Variants in DOK6 observed in about 807,000 individuals in gnomAD.
The protein encoded by DOK6 is docking protein 6.
Under a neutral mutation model 44.0 loss-of-function variants are expected in DOK6, and 22 were observed. The ratio of observed to expected loss-of-function variants is 0.50; its 90% CI spans 0.36 to 0.71. DOK6 has a LOEUF of 0.71. DOK6 is among the 30% of genes least tolerant of loss of function. The pLI is 0.00. For synonymous variants in DOK6, 166 were observed against 145.5 expected, an observed-to-expected ratio of 1.14 and a Z score of -1.01; for missense variants, 340 against 416.4, an observed-to-expected ratio of 0.82 and a Z score of 1.60.
chr18:69,615,244 C>G (rs1170505532), intron 3 of DOK6, among the ~76,000 whole-genome samples: 1 of 152,156 alleles, frequency 6.6e-6, no homozygotes, highest in Admixed American at 6.5e-5. Context: ...AAATTATTCA[C>G]TAATGCTGCT....
intron 1 of DOK6, among the ~76,000 whole-genome samples, chr18:69,552,500 C>T (rs956490629): frequency 2.0e-5 from 3 of 152,062 alleles, no homozygotes; most frequent in Middle Eastern, 3.2e-3. Context: ...ATAAATACAT[C>T]CATAAGTTAC....
At chr18:69,589,458 T>G (rs1169473182) in intron 2 of DOK6, among the ~76,000 whole-genome samples, 1 of 152,054 alleles carries the variant, frequency 6.6e-6, no homozygotes, top group Non-Finnish European at 1.5e-5. Flanking sequence ...TCTAATTCAT[T>G]TGACTCTACT....
chr18:69,433,314 A>G (rs1178121331), intron 1 of DOK6, among the ~76,000 whole-genome samples: 3 of 152,178 alleles, frequency 2.0e-5, no homozygotes, highest in Non-Finnish European at 4.4e-5. Context: ...CTGAGAACCA[A>G]TGTAATATGT....
chr18:69,511,455 G>T (rs975213748), intron 1 of DOK6, among the ~76,000 whole-genome samples: 2 of 151,952 alleles, frequency 1.3e-5, no homozygotes, highest in Non-Finnish European at 2.9e-5. Context: ...TAAAACAAGG[G>T]GTAAGACATC....
chr18:69,423,542 A>G (rs1402772064), intron 1 of DOK6, among the ~76,000 whole-genome samples: 1 of 152,216 alleles, frequency 6.6e-6, no homozygotes, highest in African/African-American at 2.4e-5. Context: ...CCATGCTTCA[A>G]CAAACATATA....
At chr18:69,443,958 CAT>C (rs1289952333) in intron 1 of DOK6, among the ~76,000 whole-genome samples, 2 of 151,734 alleles carry the variant, frequency 1.3e-5, no homozygotes, top group African/African-American at 4.8e-5. Flanking sequence ...TGTACACACA[CAT>C]AATCATATAT....
intron 1 of DOK6, among the ~76,000 whole-genome samples, chr18:69,547,258 G>A (rs748412916): frequency 7.3e-5 from 11 of 150,948 alleles, no homozygotes; most frequent in South Asian, 2.1e-4. Context: ...GCACCACCAC[G>A]CCCAGCTAAT....
chr18:69,697,475 T>A (rs182885478), intron 4 of DOK6, among the ~76,000 whole-genome samples: 1 of 152,324 alleles, frequency 6.6e-6, no homozygotes, highest in African/African-American at 2.4e-5. Context: ...ATGGCATAGA[T>A]GTATTTTATT....
intron 3 of DOK6, among the ~76,000 whole-genome samples, chr18:69,607,512 AAAT>A (rs1410644837): frequency 3.9e-5 from 6 of 152,258 alleles, no homozygotes; most frequent in African/African-American, 1.2e-4. Flanking sequence ...AAAAAAATTA[AAAT>A]AATAAACTTC....
At chr18:69,528,497 G>A (rs937034114) in intron 1 of DOK6, among the ~76,000 whole-genome samples, 3 of 152,112 alleles carry the variant, frequency 2.0e-5, no homozygotes, top group Admixed American at 6.5e-5. Context: ...TCTGTGTTTG[G>A]CATTTATCCA....
chr18:69,772,600 A>G (rs190919200), intron 7 of DOK6, among the ~76,000 whole-genome samples: 3 of 152,218 alleles, frequency 2.0e-5, no homozygotes, highest in Admixed American at 2.0e-4. Context: ...AGTGCCAAAA[A>G]TACACAATGG....
intron 1 of DOK6, among the ~76,000 whole-genome samples, chr18:69,540,034 ACTGTCAAATG>A (rs60937455): frequency 0.66 from 100,317 of 151,220 alleles, 33,791 homozygotes; most frequent in East Asian, 0.97. Context: ...TGTTGGAGGA[ACTGTCAAATG>A]CTGTCAAATG....
At chr18:69,834,137 A>T (rs1981977618) in intron 7 of DOK6, among the ~76,000 whole-genome samples, 1 of 152,228 alleles carries the variant, frequency 6.6e-6, no homozygotes, top group African/African-American at 2.4e-5. Context: ...CTATGTCCAT[A>T]AACAGATGAA....
At chr18:69,612,217 T>TAAAAA (rs33970961) in intron 3 of DOK6, among the ~76,000 whole-genome samples, 1,760 of 149,878 alleles carry the variant, frequency 0.012, 35 homozygotes, top group African/African-American at 0.034. Context: ...ATATTTAAGT[T>TAAAAA]AAAAAAAACC....
chr18:69,610,985 A>G (rs1299214008), intron 3 of DOK6, among the ~76,000 whole-genome samples: 2 of 152,108 alleles, frequency 1.3e-5, no homozygotes, highest in African/African-American at 4.8e-5. Context: ...AACAACTGCT[A>G]CCTGAGGTAA....
chr18:69,401,090 C>A lies in DOK6; in HGVS notation c.-155C>A. 2 of 591,918 alleles carry A rather than the reference C, an allele frequency of 3.4e-6. No individual in the cohort carries two copies. Among genetic ancestry groups the A allele is most frequent in the Non-Finnish European group, 4.7e-6 (2 of 422,432 alleles). The allele number at this position is 591,918 out of a possible 1,614,324, so 36.7% of individuals were successfully genotyped here. On this transcript the variant is annotated 5_prime_UTR_variant, in exon 1 of 8. Coordinates refer to ENST00000382713, the MANE Select transcript of DOK6 (RefSeq NM_152721.6). ...CGCGGCGGCCCTGCAGGCGACCCCGCGTCCCCACCGGCGGGAGCTCGGGGA... is the reference window on the plus strand; with the variant it reads ...CGCGGCGGCCCTGCAGGCGACCCCGAGTCCCCACCGGCGGGAGCTCGGGGA...
intron 1 of DOK6, among the ~76,000 whole-genome samples, chr18:69,560,076 A>C (rs1982791258): frequency 6.6e-6 from 1 of 152,092 alleles, no homozygotes; most frequent in Non-Finnish European, 1.5e-5. Flanking sequence ...AGTTTCAGGT[A>C]AGAGTTTGTG....
intron 1 of DOK6, among the ~76,000 whole-genome samples, chr18:69,509,364 G>A (rs889045543): frequency 1.3e-5 from 2 of 152,098 alleles, no homozygotes; most frequent in African/African-American, 4.8e-5. Context: ...ATGGCCGGGC[G>A]CGGTGGTTCA....
intron 2 of DOK6, among the ~76,000 whole-genome samples, chr18:69,583,495 G>T (rs2144611398): frequency 6.6e-6 from 1 of 152,194 alleles, no homozygotes; most frequent in South Asian, 2.1e-4. Context: ...TGTATTATCT[G>T]TCATTAACTT....
Sources: gnomAD v4.1 joint callset for allele counts (sites outside exome capture counted in the v4.1 genomes callset) on GRCh38, gnomAD v4.1.1 for gene constraint, MANE v1.5 for transcripts, NCBI Gene and HGNC (gene_info 2026-07-23, HGNC 2026-07-21) for gene names.